Variants in RUNX2 observed in about 807,000 individuals in gnomAD.
RUNX2 encodes runt-related transcription factor 2.
Under a neutral mutation model 51.7 loss-of-function variants are expected in RUNX2, and 10 were observed. The observed-to-expected ratio is 0.19, with a 90% confidence interval of 0.12 to 0.33. RUNX2 has a LOEUF of 0.33. RUNX2 is among the 10% of genes least tolerant of loss of function. RUNX2 has a pLI of 1.00. For synonymous variants in RUNX2, 276 were observed against 273.6 expected (o/e 1.01, Z -0.09); for missense variants, 562 against 691.3 (o/e 0.81, Z 2.10).
chr6:45,363,022 TATTTTTA>T (rs1448182064), intron 2 of RUNX2, among the ~76,000 whole-genome samples: 1 of 152,106 alleles, frequency 6.6e-6, no homozygotes, highest in Non-Finnish European at 1.5e-5. Context: ...TTTTTATTTT[TATTTTTA>T]ATTTTTGTAG....
intron 3 of RUNX2, among the ~76,000 whole-genome samples, chr6:45,423,322 C>G: frequency 6.6e-6 from 1 of 152,178 alleles, no homozygotes; most frequent in Non-Finnish European, 1.5e-5. Context: ...TGCGAGCGGA[C>G]TTGCTCCACC....
intron 2 of RUNX2, among the ~76,000 whole-genome samples, chr6:45,393,486 A>G (rs2150348116): frequency 6.6e-6 from 1 of 152,028 alleles, no homozygotes; most frequent in African/African-American, 2.4e-5. Flanking sequence ...GCTGGAGTGC[A>G]ATGGCCGATC....
In RUNX2 at chr6:45,549,973, AG is replaced by A. The variant is rs1176583112; in HGVS notation, c.*2671del. The A allele has an allele frequency of 6.6e-6, 1 of 151,260 alleles. No homozygotes were observed. Among genetic ancestry groups the A allele is most frequent in the Non-Finnish European group, 1.5e-5 (1 of 67,798 alleles). The allele number at this position is 151,260 out of a possible 1,614,324, so 9.4% of individuals were successfully genotyped here. The stretch of plus-strand genomic sequence containing the variant: ...AACAAATTCTGCCCTTTTTTGGTCT[AG>A]GGATTAAAATTTTGTTTTTCTTTCT... On this transcript the variant is annotated 3_prime_UTR_variant, in exon 9 of 9. Coordinates refer to ENST00000647337, the MANE Select transcript of RUNX2 (RefSeq NM_001024630.4).
chr6:45,520,513 C>G (rs1462701773), intron 7 of RUNX2, among the ~76,000 whole-genome samples: 1 of 152,130 alleles, frequency 6.6e-6, no homozygotes, highest in Admixed American at 6.6e-5. Flanking sequence ...GGGGCCTTTT[C>G]TCTTAAAAAT....
intron 2 of RUNX2, among the ~76,000 whole-genome samples, chr6:45,414,230 A>G (rs1244993243): frequency 2.0e-5 from 3 of 151,894 alleles, no homozygotes; most frequent in Non-Finnish European, 4.4e-5. Flanking sequence ...CAACATGAAT[A>G]TTCTCCCTCT....
chr6:45,421,816 T>G (rs1446061793), intron 2 of RUNX2: 2 of 151,168 alleles, frequency 1.3e-5, no homozygotes, highest in East Asian at 3.9e-4. Context: ...CGAGATTCGT[T>G]GCCCCGAGAT....
At chr6:45,457,493 G>A (rs1799348985) in intron 5 of RUNX2, among the ~76,000 whole-genome samples, 1 of 151,608 alleles carries the variant, frequency 6.6e-6, no homozygotes, top group Admixed American at 6.6e-5. Context: ...CATGAAAGAT[G>A]AGAGGATGTA....
intron 2 of RUNX2, among the ~76,000 whole-genome samples, chr6:45,409,788 A>G (rs1797911601): frequency 6.6e-6 from 1 of 152,354 alleles, no homozygotes; most frequent in African/African-American, 2.4e-5. Context: ...ACAAGCATTG[A>G]TTGACACTTA....
At chr6:45,330,532 G>A (rs1210619333) in intron 2 of RUNX2, among the ~76,000 whole-genome samples, 2 of 151,778 alleles carry the variant, frequency 1.3e-5, no homozygotes, top group Non-Finnish European at 2.9e-5. Context: ...AACAACACAA[G>A]TTTCAAAAAA....
Position 45,549,621 on chromosome 6 carries a change from G to A in RUNX2, c.*2316G>A. The A allele has an allele frequency of 2.7e-6, 1 of 369,702 alleles. No individual in the cohort carries two copies. The highest frequency in any genetic ancestry group is 4.8e-6 in the Non-Finnish European group (1 of 208,254). The allele number at this position is 369,702 out of a possible 1,614,324, so 22.9% of individuals were successfully genotyped here. On this transcript the variant is annotated 3_prime_UTR_variant, in exon 9 of 9. Transcript: ENST00000647337. ...TAAAATATGTGTGTTTGTTTCAGCA[G>A]CACTTAAAAAAGCCAGTGTCTGGTT...
At chr6:45,354,630 TAC>T (rs35189031) in intron 2 of RUNX2, among the ~76,000 whole-genome samples, 27,934 of 149,570 alleles carry the variant, frequency 0.19, 3,694 homozygotes, top group African/African-American at 0.38. Flanking sequence ...CACGCACACA[TAC>T]ACACACACAC....
At chr6:45,356,612 G>A (rs924852382) in intron 2 of RUNX2, among the ~76,000 whole-genome samples, 47 of 151,912 alleles carry the variant, frequency 3.1e-4, no homozygotes, top group African/African-American at 1.1e-3. Flanking sequence ...TGGTGGCCAG[G>A]CTGGTCTCGA....
chr6:45,518,414 G>C (rs1801397469), intron 7 of RUNX2, among the ~76,000 whole-genome samples: 1 of 151,990 alleles, frequency 6.6e-6, no homozygotes, highest in African/African-American at 2.4e-5. Context: ...TTTTGACATA[G>C]CAGATGGTGT....
At chr6:45,402,510 A>G (rs1260962682) in intron 2 of RUNX2, among the ~76,000 whole-genome samples, 5 of 152,226 alleles carry the variant, frequency 3.3e-5, no homozygotes, top group Non-Finnish European at 1.5e-5. Flanking sequence ...GCTTCCTATA[A>G]CATGCCAAAA....
chr6:45,542,231 C>T (rs1461433344), intron 7 of RUNX2, among the ~76,000 whole-genome samples: 1 of 152,042 alleles, frequency 6.6e-6, no homozygotes, highest in Admixed American at 6.6e-5. Flanking sequence ...GAGGCTATTT[C>T]CTTTTCCCTC....
At chr6:45,490,554 G>A (rs562960634) in intron 5 of RUNX2, among the ~76,000 whole-genome samples, 14 of 152,104 alleles carry the variant, frequency 9.2e-5, no homozygotes, top group Admixed American at 3.9e-4. Flanking sequence ...TTTGTCTTAC[G>A]AAGACAGCTT....
chr6:45,473,193 G>A (rs1400584932), intron 5 of RUNX2, among the ~76,000 whole-genome samples: 1 of 152,148 alleles, frequency 6.6e-6, no homozygotes, highest in Non-Finnish European at 1.5e-5. Context: ...ATTATTTTAA[G>A]GTTAGCAGTT....
At chr6:45,343,566 T>C (rs938184128) in intron 2 of RUNX2, among the ~76,000 whole-genome samples, 5 of 152,198 alleles carry the variant, frequency 3.3e-5, no homozygotes, top group African/African-American at 1.2e-4. Context: ...AGGTCCTATG[T>C]ACATAACTCT....
intron 2 of RUNX2, among the ~76,000 whole-genome samples, chr6:45,394,101 C>T (rs151005683): frequency 0.18 from 26,614 of 151,766 alleles, 2,889 homozygotes; most frequent in Non-Finnish European, 0.25. Flanking sequence ...TTAGTAGAGA[C>T]GGGATTTCAC....
Sources: gnomAD v4.1 joint callset for allele counts (sites outside exome capture counted in the v4.1 genomes callset) on GRCh38, gnomAD v4.1.1 for gene constraint, MANE v1.5 for transcripts, NCBI Gene and HGNC (gene_info 2026-07-23, HGNC 2026-07-21) for gene names.